PTPN11: variants seen among roughly 807,000 people sequenced by gnomAD.
The protein encoded by PTPN11 is protein tyrosine phosphatase non-receptor type 11.
A neutral mutation model predicts 78.8 loss-of-function variants in PTPN11; 6 were observed. That is an observed-to-expected ratio of 0.08 (90% CI 0.04 to 0.15). The LOEUF is 0.15. Among genes scored for constraint, PTPN11 ranks in the 10% least tolerant of loss-of-function variants. The pLI is 1.00. For missense variants in PTPN11, 386 were observed against 744.8 expected, an observed-to-expected ratio of 0.52 and a Z score of 5.61; for synonymous variants, 221 against 263.5, an observed-to-expected ratio of 0.84 and a Z score of 1.56.
chr12:112,472,702 T>C (rs946324468), intron 6 of PTPN11, among the ~76,000 whole-genome samples: 4 of 152,158 alleles, frequency 2.6e-5, no homozygotes, highest in African/African-American at 9.7e-5. Context: ...GGTTTTACCA[T>C]GTTGGCCAGG....
intron 1 of PTPN11, among the ~76,000 whole-genome samples, chr12:112,443,187 T>C (rs2037935421): frequency 6.6e-6 from 1 of 151,926 alleles, no homozygotes; most frequent in African/African-American, 2.4e-5. Flanking sequence ...GTAATATCCT[T>C]ATAGCAAAAG....
chr12:112,457,722 A>C (rs1291667055), intron 6 of PTPN11, among the ~76,000 whole-genome samples: 2 of 152,210 alleles, frequency 1.3e-5, no homozygotes, highest in African/African-American at 2.4e-5. Flanking sequence ...TCCTGAAACT[A>C]ACTTGGGTTG....
intron 6 of PTPN11, among the ~76,000 whole-genome samples, chr12:112,461,118 G>A (rs1475827686): frequency 6.6e-6 from 1 of 152,056 alleles, no homozygotes; most frequent in African/African-American, 2.4e-5. Context: ...GTATGGTGGT[G>A]TATCAGGAGG....
rs144790343 is a variant in PTPN11 at position 112,492,582 on chromosome 12, A to G, written c.1599+3407A>G. ...TCCCAGGCTGGAGTGCAGTGGTGCAATCTCGGGTCACTGCAAGCTCCACCT... is the reference window on the plus strand; with the variant it reads ...TCCCAGGCTGGAGTGCAGTGGTGCAGTCTCGGGTCACTGCAAGCTCCACCT... On this transcript the variant is annotated intron_variant, in intron 13 of 15. Transcript: ENST00000351677. Among the ~76,000 whole-genome samples the G allele has an allele frequency of 3.9e-3, 588 of 151,648 alleles. 4 individuals are homozygous for G. Among genetic ancestry groups the G allele is most frequent in the African/African-American group, 0.013 (558 of 41,344 alleles).
At chr12:112,452,521 C>T (rs1022911318) in intron 3 of PTPN11, among the ~76,000 whole-genome samples, 5 of 150,262 alleles carry the variant, frequency 3.3e-5, no homozygotes, top group East Asian at 4.0e-4. Flanking sequence ...CCACCACGTC[C>T]GGCCGACTTT....
chr12:112,431,842 A>G (rs1265262452), intron 1 of PTPN11, among the ~76,000 whole-genome samples: 2 of 152,228 alleles, frequency 1.3e-5, no homozygotes, highest in African/African-American at 4.8e-5. Context: ...AAGCATGGCA[A>G]GAAACCCAGA....
intron 15 of PTPN11, among the ~76,000 whole-genome samples, chr12:112,505,131 A>C (rs1005419000): frequency 6.6e-6 from 1 of 152,186 alleles, no homozygotes; most frequent in African/African-American, 2.4e-5. Context: ...GATGATCTGT[A>C]GGGATCTGGG....
At chr12:112,492,569 G>C (rs764170185) in intron 13 of PTPN11, among the ~76,000 whole-genome samples, 2 of 151,256 alleles carry the variant, frequency 1.3e-5, no homozygotes, top group African/African-American at 2.4e-5. Context: ...CCAGGCTGGA[G>C]TGCAGTGGTG....
At chr12:112,426,967 G>A (rs1566154682) in intron 1 of PTPN11, among the ~76,000 whole-genome samples, 2 of 152,118 alleles carry the variant, frequency 1.3e-5, no homozygotes, top group South Asian at 2.1e-4. Flanking sequence ...GATAATGGCC[G>A]GGCGTGGTGG....
chr12:112,477,591 G>T (rs2135900676), intron 7 of PTPN11, 60 bp from the exon 8 acceptor site: 2 of 1,338,470 alleles, frequency 1.5e-6, no homozygotes, highest in South Asian at 2.3e-5. Context: ...TAACTGATTT[G>T]AACTGTTTTT....
Position 112,423,176 on chromosome 12 carries a change from A to C in PTPN11, c.14+4051A>C, listed in dbSNP as rs553393852. Among the ~76,000 whole-genome samples, 6 of 152,328 alleles carry C rather than the reference A, an allele frequency of 3.9e-5. No homozygotes were observed. In the South Asian group the frequency reaches 1.2e-3, roughly 32 times the overall value. On this transcript the variant is annotated intron_variant, in intron 1 of 15. Coordinates refer to ENST00000351677, the MANE Select transcript of PTPN11 (RefSeq NM_002834.5). Reference sequence around the variant, plus strand: ...TATGTGACGCTCTTTGACAACACTGAAATAGGAAAAATACTATCCATGTTC... The same window carrying C: ...TATGTGACGCTCTTTGACAACACTGCAATAGGAAAAATACTATCCATGTTC...
At chr12:112,454,400 G>A (rs371557952) in intron 4 of PTPN11, among the ~76,000 whole-genome samples, 164 bp from the exon 5 acceptor site, 1 of 152,184 alleles carries the variant, frequency 6.6e-6, no homozygotes, top group Admixed American at 6.5e-5. Flanking sequence ...AATTACTGGC[G>A]TGAGCCACTG....
intron 7 of PTPN11, among the ~76,000 whole-genome samples, chr12:112,474,707 C>A (rs1054884295): frequency 6.6e-6 from 1 of 152,084 alleles, no homozygotes; most frequent in Non-Finnish European, 1.5e-5. Context: ...CTCAACCTCC[C>A]GGGCTCAAGT....
intron 6 of PTPN11, among the ~76,000 whole-genome samples, chr12:112,469,758 A>G (rs960661833): frequency 6.6e-6 from 1 of 152,102 alleles, no homozygotes; most frequent in East Asian, 1.9e-4. Context: ...CAGGTGATCC[A>G]TCCACCTTGG....
At chr12:112,499,357 A>T (rs969145297) in intron 13 of PTPN11, among the ~76,000 whole-genome samples, 1 of 151,736 alleles carries the variant, frequency 6.6e-6, no homozygotes, top group African/African-American at 2.4e-5. Context: ...ATTTTTTGAG[A>T]TGGAGTCTCA....
intron 6 of PTPN11, among the ~76,000 whole-genome samples, chr12:112,456,920 CT>C (rs1377899855): frequency 6.7e-6 from 1 of 148,924 alleles, no homozygotes; most frequent in Non-Finnish European, 1.5e-5. Context: ...GAACTGATTT[CT>C]TTTTTTTTTA....
chr12:112,423,110 C>T (rs1450174023), intron 1 of PTPN11, among the ~76,000 whole-genome samples: 2 of 152,146 alleles, frequency 1.3e-5, no homozygotes, highest in African/African-American at 4.8e-5. Flanking sequence ...CAGTTCATTA[C>T]TATGAATTTT....
intron 6 of PTPN11, among the ~76,000 whole-genome samples, chr12:112,456,489 C>T (rs376962614): frequency 5.5e-5 from 8 of 145,560 alleles, no homozygotes; most frequent in South Asian, 4.4e-4. Flanking sequence ...GACAGGGTCT[C>T]GCTCTGTCGC....
chr12:112,492,630 G>A (rs998370400), intron 13 of PTPN11, among the ~76,000 whole-genome samples: 1 of 151,496 alleles, frequency 6.6e-6, no homozygotes, highest in Non-Finnish European at 1.5e-5. Flanking sequence ...CCATTCTCCT[G>A]CCTCAGCCTC....
Sources: gnomAD v4.1 joint callset for allele counts (sites outside exome capture counted in the v4.1 genomes callset) on GRCh38, gnomAD v4.1.1 for gene constraint, MANE v1.5 for transcripts, NCBI Gene and HGNC (gene_info 2026-07-23, HGNC 2026-07-21) for gene names.